Variants in MMP25 observed in about 807,000 individuals in gnomAD.
MMP25 encodes matrix metallopeptidase 25, also known as matrix metalloproteinase-25.
In MMP25, 68 loss-of-function variants were observed where a neutral mutation model predicts 62.1. The ratio of observed to expected loss-of-function variants is 1.10; its 90% confidence interval spans 0.90 to 1.34. The LOEUF is 1.34. Among genes scored for constraint, MMP25 ranks in the 40% most tolerant of loss-of-function variants. The pLI is 0.00. For missense variants in MMP25, 942 were observed against 792.5 expected (o/e 1.19, Z -2.26); for synonymous variants, 407 against 345.6 (o/e 1.18, Z -1.97).
Position 3,046,774 on chromosome 16 carries a change from T to G in MMP25, c.-144T>G, listed in dbSNP as rs932576246. ...GCACTTCCCGGGACCCCCACACACA[T>G]CCCAGCCCTCCGGCCGATCCCTCCC... On this transcript the variant is annotated 5_prime_UTR_variant, in exon 1 of 10. Transcript: ENST00000336577. The G allele has an allele frequency of 2.3e-4, 110 of 473,666 alleles. No homozygotes were observed. The highest frequency in any genetic ancestry group is 4.5e-4 in the Admixed American group (10 of 22,408). 29.3% of individuals were successfully genotyped at this position (473,666 alleles called of 1,614,324 possible).
Position 3,057,362 on chromosome 16 carries a change from T to C in MMP25, c.891T>C (p.Pro297=). 1 of 1,613,506 alleles carries C rather than the reference T, an allele frequency of 6.2e-7. No homozygotes were observed. The highest frequency in any genetic ancestry group is 1.7e-4 in the Middle Eastern group (1 of 6,060). Residue 297 remains proline, a synonymous_variant, in exon 6 of 10, where the codon CCT becomes CCC. Transcript: ENST00000336577. ...YDKPTRKPLA[P]PPQPPASPTH... Reference sequence around the variant, plus strand: ...AGCCCACAAGGAAACCCCTGGCTCCTCCGCCCCAGCCCCCGGCCTCGCCCA... The same window carrying C: ...AGCCCACAAGGAAACCCCTGGCTCCCCCGCCCCAGCCCCCGGCCTCGCCCA...
intron 4 of MMP25, chr16:3,052,024 G>A (rs2741896): frequency 1.3e-5 from 2 of 152,068 alleles, no homozygotes; most frequent in Non-Finnish European, 2.9e-5. Context: ...TACTGGAGAG[G>A]CTGAGGCAGG....
Position 3,059,409 on chromosome 16 carries a change from G to A in MMP25, c.*311G>A. ...CGTCGTTCCCTCCCGGCTGCCGCCA[G>A]GGGGCGGTCGGACCCCGCCTCCCGA... On this transcript the variant is annotated 3_prime_UTR_variant, in exon 10 of 10. Transcript: ENST00000336577. 7.2e-6 allele frequency: 2 copies of A among 276,902 alleles called. No homozygotes were observed. Among genetic ancestry groups the A allele is most frequent in the Non-Finnish European group, 1.3e-5 (2 of 148,328 alleles). The allele number at this position is 276,902 out of a possible 1,614,324, so 17.2% of individuals were successfully genotyped here.
Position 3,050,298 on chromosome 16 carries a change from TGCG to T in MMP25, c.415_417del (p.Arg139del). On this transcript the variant is annotated inframe_deletion, in exon 4 of 10. Coordinates refer to ENST00000336577, the MANE Select transcript of MMP25 (RefSeq NM_022468.5). ...AGCTCCCAGCTGAGCCAGGAGACCG[TGCG>T]GGTCCTCATGAGCTATGCCCTGATG... 1 of 1,612,340 alleles carries T rather than the reference TGCG, an allele frequency of 6.2e-7. No individual in the cohort carries two copies. The highest frequency in any genetic ancestry group is 8.5e-7 in the Non-Finnish European group (1 of 1,178,944).
chr16:3,054,550 AG>A (rs1955967477), intron 4 of MMP25: 1 of 112,838 alleles, frequency 8.9e-6, no homozygotes, highest in Non-Finnish European at 1.9e-5. Context: ...GCACAGAGGC[AG>A]GGATGGATGG....
In MMP25 at chr16:3,050,335, C is replaced by T. The variant is rs1426695964; in HGVS notation, c.450C>T (p.Gly150=). The change falls in exon 4 of 10, where the codon GGC becomes GGT. Residue 150 remains glycine, a synonymous_variant. Transcript: ENST00000336577. ...TGAGCTATGCCCTGATGGCCTGGGG[C>T]ATGGAGTCAGGCCTCACATTTCATG... ...VLMSYALMAW[G]MESGLTFHEV... 1 of 1,614,020 alleles carries T rather than the reference C, an allele frequency of 6.2e-7. No individual in the cohort carries two copies. Among genetic ancestry groups the T allele is most frequent in the Non-Finnish European group, 8.5e-7 (1 of 1,179,982 alleles).
Position 3,057,127 on chromosome 16 carries a change from GCCCTTCTACCAGGGT to G in MMP25, c.759_773del (p.Phe254_Pro258del). ...CCTCAGCCCCCAACTCCATTATGAG[GCCCTTCTACCAGGGT>G]CCGGTGGGCGACCCTGACAAGTACC... On this transcript the variant is annotated inframe_deletion, in exon 5 of 10. Coordinates refer to ENST00000336577, the MANE Select transcript of MMP25 (RefSeq NM_022468.5). 6.2e-7 allele frequency: 1 copy of G among 1,613,466 alleles called. No homozygotes were observed. Among genetic ancestry groups the G allele is most frequent in the African/African-American group, 1.3e-5 (1 of 74,992 alleles).
intron 7 of MMP25, 33 bp downstream of exon 7, chr16:3,057,646 G>T: frequency 6.3e-7 from 1 of 1,598,750 alleles, no homozygotes; most frequent in Non-Finnish European, 8.6e-7. Context: ...ATATATGTTG[G>T]TTTCCTGCCC....
Position 3,058,422 on chromosome 16 carries a change from C to T in MMP25, c.1170C>T (p.Phe390=). ...GRILLFSGPQ[F]WVFQDRQLEG... ...GCCTCCACCCTGCAGGGCCCCAGTT[C>T]TGGGTGTTCCAGGACCGGCAGCTGG... is the stretch of plus-strand genomic sequence containing the variant. The change falls in exon 9 of 10, where the codon TTC becomes TTT. Residue 390 remains phenylalanine (F), a synonymous_variant. Coordinates refer to ENST00000336577, the MANE Select transcript of MMP25 (RefSeq NM_022468.5). 6.4e-7 allele frequency: 1 copy of T among 1,568,374 alleles called. No individual in the cohort carries two copies. The highest frequency in any genetic ancestry group is 8.6e-7 in the Non-Finnish European group (1 of 1,157,134).
At chr16:3,053,710 C>T (rs1394387991) in intron 4 of MMP25, 1 of 151,748 alleles carries the variant, frequency 6.6e-6, no homozygotes, top group Non-Finnish European at 1.5e-5. Context: ...GAGAAGGACT[C>T]AACAGAGATG....
Position 3,050,072 on chromosome 16 carries a change from C to A in MMP25, c.296C>A (p.Ala99Glu). 3.1e-6 allele frequency: 5 copies of A among 1,611,102 alleles called. No homozygotes were observed. The highest frequency in any genetic ancestry group is 4.2e-6 in the Non-Finnish European group (5 of 1,179,902). Residue 99 changes from alanine (A) to glutamate (E), a missense_variant, in exon 3 of 10, where the codon GCG becomes GAG. Ala to Glu is a moderately radical substitution (Grantham distance 107). Transcript: ENST00000336577. The part of the protein sequence containing the change: ...RCSLPDVLGV[A>E]GLVRRRRRYA... ...TCCCTGCCTGACGTGCTGGGGGTGG[C>A]GGGGCTGGTCAGGCGGCGTCGCCGG...
intron 2 of MMP25, among the ~76,000 whole-genome samples, chr16:3,048,833 T>G: frequency 6.7e-6 from 1 of 148,232 alleles, no homozygotes; most frequent in Admixed American, 6.8e-5. Context: ...TTAGACAGAG[T>G]CTCACTCTGT....
At chr16:3,055,616 C>G (rs74005580) in intron 4 of MMP25, 6,060 of 325,594 alleles carry the variant, frequency 0.019, 326 homozygotes, top group African/African-American at 0.12. Context: ...GTGTTTGCTA[C>G]CCCTCTTAGG....
Position 3,059,099 on chromosome 16 carries a change from T to C in MMP25, c.*1T>C, listed in dbSNP as rs1956072263. On this transcript the variant is annotated 3_prime_UTR_variant, in exon 10 of 10. Coordinates refer to ENST00000336577, the MANE Select transcript of MMP25 (RefSeq NM_022468.5). ...GGTGGGGGGTGTAGCCTCCCGCTGA[T>C]GGGGGGAGCCATCCAGACCGAACAG... The C allele has an allele frequency of 1.3e-6, 2 of 1,538,228 alleles. No individual in the cohort carries two copies. Among genetic ancestry groups the C allele is most frequent in the East Asian group, 2.5e-5 (1 of 40,718 alleles).
chr16:3,046,967 C>G lies in MMP25; in HGVS notation c.50C>G (p.Pro17Arg). 1 of 1,471,776 alleles carries G rather than the reference C, an allele frequency of 6.8e-7. No individual in the cohort carries two copies. The highest frequency in any genetic ancestry group is 8.9e-7 in the Non-Finnish European group (1 of 1,119,720). 91.2% of individuals were successfully genotyped at this position (1,471,776 alleles called of 1,614,324 possible). ...LLALLLLLLA[P>R]PARAPKPSAQ... ...GCGCTGCTGCTTCTGCTGCTGGCAC[C>G]GCCCGCGCGCGCCCCGAAGCCCTCG... The change falls in exon 1 of 10, where the codon CCG (proline) becomes CGG (arginine). Residue 17 changes from proline (P) to arginine (R), a missense_variant. By Grantham distance (103) the Pro-to-Arg change is moderately radical. Transcript: ENST00000336577.
chr16:3,050,375 C>T lies in MMP25; in HGVS notation c.490C>T (p.Gln164Ter). ...CACATTTCATGAGGTGGATTCCCCCCAGGGCCAGGAGCCCGACATCCTCAT... is the reference window on the plus strand; with the variant it reads ...CACATTTCATGAGGTGGATTCCCCCTAGGGCCAGGAGCCCGACATCCTCAT... ...GLTFHEVDSPQGQEPDILIDF... is the reference protein window; with the variant it reads ...GLTFHEVDSP The change falls in exon 4 of 10, where the codon CAG becomes TAG. Residue 164 changes from glutamine to a stop codon, truncating the protein, a stop_gained. Transcript: ENST00000336577. LOFTEE classifies it high-confidence loss of function. The T allele has an allele frequency of 6.2e-7, 1 of 1,614,046 alleles. No homozygotes were observed. The highest frequency in any genetic ancestry group is 2.2e-5 in the East Asian group (1 of 44,884).
chr16:3,046,923 G>A lies in MMP25; in HGVS notation c.6G>A (p.Arg2=). Residue 2 remains arginine, a synonymous_variant, in exon 1 of 10, where the codon CGG becomes CGA. Transcript: ENST00000336577. ...GGCCCGGGCTGGGGCGCACCATGCG[G>A]CTGCGGCTCCGGCTTCTGGCGCTGC... is the stretch of plus-strand genomic sequence containing the variant. M[R]LRLRLLALLL... 1 of 1,452,942 alleles carries A rather than the reference G, an allele frequency of 6.9e-7. No homozygotes were observed. The highest frequency in any genetic ancestry group is 9.0e-7 in the Non-Finnish European group (1 of 1,110,838). 90.0% of individuals were successfully genotyped at this position (1,452,942 alleles called of 1,614,324 possible).
intron 7 of MMP25, chr16:3,057,910 C>G: frequency 1.7e-6 from 1 of 577,372 alleles, no homozygotes; most frequent in South Asian, 2.2e-5. Context: ...CACTATATTG[C>G]CCAGGCTGGG....
At chr16:3,056,918 AC>A (rs1439132468) in intron 4 of MMP25, 114 bp from the exon 5 acceptor site, 1 of 1,128,934 alleles carries the variant, frequency 8.9e-7, no homozygotes, top group African/African-American at 1.6e-5. Context: ...GGCTGGGGCC[AC>A]CTCTGGAGGG....
Sources: allele counts gnomAD v4.1 joint callset (sites outside exome capture counted in the v4.1 genomes callset), GRCh38; gene constraint gnomAD v4.1.1; transcripts MANE v1.5; gene names NCBI Gene and HGNC (gene_info 2026-07-23, HGNC 2026-07-21).